The following EFS variants were observed in gnomAD, a reference collection of about 807,000 sequenced individuals.
EFS encodes the protein embryonal Fyn-associated substrate, also known as Cas scaffolding protein family member 3.
In EFS, 34 loss-of-function variants were observed where a neutral mutation model predicts 42.2. The ratio of observed to expected loss-of-function variants is 0.81; its 90% CI spans 0.61 to 1.07. EFS has a LOEUF of 1.07. Ranked by LOEUF, EFS falls within the 50% of genes least tolerant of loss-of-function variation. The pLI, the probability that EFS is intolerant of heterozygous loss-of-function variation, is 0.00. For missense variants in EFS, 717 were observed against 729.4 expected (o/e 0.98, Z 0.20); for synonymous variants, 299 against 320.7 (o/e 0.93, Z 0.72).
At position 23,359,514 on chromosome 14, in the gene EFS, G is replaced by A. The variant is rs1284147806; in HGVS notation, c.964C>T (p.Pro322Ser). 2 of 1,552,506 alleles carry A rather than the reference G, an allele frequency of 1.3e-6. No homozygotes were observed. Among genetic ancestry groups the A allele is most frequent in the Non-Finnish European group, 1.7e-6 (2 of 1,155,006 alleles). ...CCCTTCCGGCCTGGGGCAGGAGAGGGCACTGGGGAGGGGCTGGGGGCCTCA... is the reference window on the plus strand; with the variant it reads ...CCCTTCCGGCCTGGGGCAGGAGAGGACACTGGGGAGGGGCTGGGGGCCTCA... ...VPEAPSPSPVPSPAPGRKGSI... is the reference protein window; with the variant it reads ...VPEAPSPSPVSSPAPGRKGSI... Residue 322 changes from proline (P) to serine (S), a missense_variant, in exon 4 of 6, where the codon CCC (proline) becomes TCC (serine). Pro to Ser is a moderately conservative substitution (Grantham distance 74). Transcript: ENST00000216733.
intron 2 of EFS, 48 bp from the exon 3 acceptor site, chr14:23,360,329 GA>G (rs764975306): frequency 6.4e-7 from 1 of 1,573,558 alleles, no homozygotes; most frequent in African/African-American, 1.4e-5. Flanking sequence ...AGGGGCCGGT[GA>G]TCAGATAATG....
chr14:23,358,476 T>A (rs934257298), intron 5 of EFS, among the ~76,000 whole-genome samples: 4 of 152,172 alleles, frequency 2.6e-5, no homozygotes, highest in African/African-American at 9.7e-5. Context: ...CTGGAGAGAT[T>A]AACTGACGGC....
At position 23,357,210 on chromosome 14, in the gene EFS, C is replaced by T; in HGVS notation, c.*16G>A. On this transcript the variant is annotated 3_prime_UTR_variant, in exon 6 of 6. Transcript: ENST00000216733. ...TTTGGCAGGCAGGGGAGGAGCAGAGCTGTGCCAAAGGACCTTCATGGAGCC... is the reference window on the plus strand; with the variant it reads ...TTTGGCAGGCAGGGGAGGAGCAGAGTTGTGCCAAAGGACCTTCATGGAGCC... The T allele has an allele frequency of 1.3e-6, 2 of 1,525,810 alleles. No homozygotes were observed. Among genetic ancestry groups the T allele is most frequent in the South Asian group, 1.3e-5 (1 of 77,084 alleles). The allele number at this position is 1,525,810 out of a possible 1,614,324, so 94.5% of individuals were successfully genotyped here.
intron 1 of EFS, among the ~76,000 whole-genome samples, chr14:23,362,982 C>T (rs1455118661): frequency 1.3e-5 from 2 of 149,754 alleles, no homozygotes; most frequent in African/African-American, 2.5e-5. Flanking sequence ...GGTGCGATCT[C>T]GGCTCACTGC....
At position 23,358,882 on chromosome 14, in the gene EFS, C is replaced by T. The variant is rs746664828; in HGVS notation, c.1245G>A (p.Ala415=). ...DPELPERGMP[A]PQEALSPGEP... ...CCATTCCCGCCAGGGTCACCTGCGGCGCCGGCATCCCCCTCTCGGGCAGTT... is the reference window on the plus strand; with the variant it reads ...CCATTCCCGCCAGGGTCACCTGCGGTGCCGGCATCCCCCTCTCGGGCAGTT... The change falls in exon 5 of 6, where the codon GCG becomes GCA. Residue 415 remains alanine, a synonymous_variant. Coordinates refer to ENST00000216733, the MANE Select transcript of EFS (RefSeq NM_005864.4). 152 of 1,610,820 alleles carry T rather than the reference C, an allele frequency of 9.4e-5. 1 individual carries two copies. Among genetic ancestry groups the T allele is most frequent in the Admixed American group, 1.7e-4 (10 of 59,438 alleles).
At chr14:23,363,624 C>T (rs548625780) in intron 1 of EFS, among the ~76,000 whole-genome samples, 74 of 152,168 alleles carry the variant, frequency 4.9e-4, no homozygotes, top group African/African-American at 1.7e-3. Flanking sequence ...TCCTGGCCAT[C>T]GTTACAGATT....
intron 1 of EFS, among the ~76,000 whole-genome samples, chr14:23,364,017 G>A (rs1890239065): frequency 6.6e-6 from 1 of 152,102 alleles, no homozygotes; most frequent in East Asian, 1.9e-4. Context: ...ACATTGGGTG[G>A]CTCTGTGCTT....
At chr14:23,360,482 A>G (rs894604214) in intron 2 of EFS, 73 bp downstream of exon 2, 3 of 1,509,552 alleles carry the variant, frequency 2.0e-6, no homozygotes, top group Non-Finnish European at 2.7e-6. Context: ...CACCTGCTGC[A>G]GGCCCTGGGT....
intron 1 of EFS, among the ~76,000 whole-genome samples, chr14:23,361,508 A>C (rs1400464095): frequency 6.6e-6 from 1 of 152,236 alleles, no homozygotes; most frequent in East Asian, 1.9e-4. Flanking sequence ...TGAGGTTACC[A>C]TGGAGAAAAG....
chr14:23,357,700 G>A (rs1170323746), intron 5 of EFS, 40 bp from the exon 6 acceptor site: 5 of 1,463,150 alleles, frequency 3.4e-6, no homozygotes, highest in Middle Eastern at 1.9e-4. Flanking sequence ...ACATTCTCAT[G>A]AGTGCCATTT....
chr14:23,362,034 A>C (rs1362829819), intron 1 of EFS, among the ~76,000 whole-genome samples: 4 of 152,328 alleles, frequency 2.6e-5, no homozygotes, highest in Non-Finnish European at 5.9e-5. Flanking sequence ...TAAAAGAAAG[A>C]GTAGTAACAG....
chr14:23,362,960 C>T (rs1378571247), intron 1 of EFS, among the ~76,000 whole-genome samples: 1 of 150,158 alleles, frequency 6.7e-6, no homozygotes, highest in Non-Finnish European at 1.5e-5. Context: ...GTCGCCCAGG[C>T]TGGAGTGCAG....
intron 2 of EFS, 35 bp from the exon 3 acceptor site, chr14:23,360,316 C>CG (rs1388655804): frequency 1.3e-5 from 21 of 1,582,960 alleles, no homozygotes; most frequent in Non-Finnish European, 1.8e-5. Flanking sequence ...TCAGGAGGAA[C>CG]GGAGGGGCCG....
chr14:23,358,869 G>T lies in EFS; in HGVS notation c.1251+7C>A. ...CCCTTCTCTAGCACCATTCCCGCCA[G>T]GGTCACCTGCGGCGCCGGCATCCCC... On this transcript the variant is annotated splice_region_variant and intron_variant, in intron 5 of 5. Coordinates refer to ENST00000216733, the MANE Select transcript of EFS (RefSeq NM_005864.4). 6.2e-7 allele frequency: 1 copy of T among 1,607,690 alleles called. No homozygotes were observed. The highest frequency in any genetic ancestry group is 1.1e-5 in the South Asian group (1 of 89,920).
intron 5 of EFS, 31 bp downstream of exon 5, chr14:23,358,845 C>T (rs769304678): frequency 4.4e-6 from 7 of 1,578,334 alleles, no homozygotes; most frequent in African/African-American, 1.4e-5. Flanking sequence ...TCCCCTGTCC[C>T]CTTCTCTAGC....
In EFS at chr14:23,360,617, C is replaced by T. The variant is rs1290296761; in HGVS notation, c.235G>A (p.Ala79Thr). The T allele has an allele frequency of 6.3e-7, 1 of 1,598,006 alleles. No individual in the cohort carries two copies. The highest frequency in any genetic ancestry group is 1.3e-5 in the African/African-American group (1 of 74,652). Residue 79 changes from alanine to threonine, a missense_variant, in exon 2 of 6, where the codon GCG becomes ACG. Coordinates refer to ENST00000216733, the MANE Select transcript of EFS (RefSeq NM_005864.4). ...GPAPKPSLSP[A>T]SPAQPGSPYP... ...GGTGAGCCAGGCTGGGCTGGGGACG[C>T]AGGAGAGAGGCTGGGCTTGGGTGCT...
Position 23,359,366 on chromosome 14 carries a change from T to G in EFS, c.1112A>C (p.Glu371Ala). The part of the protein sequence containing the change: ...MEDDPAGHHN[E>A]YEGIPMAEEY... ...CTCGGCCATCGGAATGCCCTCGTAC[T>G]CATTGTGGTGTCCTGCTGGGTCATC... The change falls in exon 4 of 6, where the codon GAG becomes GCG. Residue 371 changes from glutamate to alanine, a missense_variant. Coordinates refer to ENST00000216733, the MANE Select transcript of EFS (RefSeq NM_005864.4). 1 of 1,613,058 alleles carries G rather than the reference T, an allele frequency of 6.2e-7. No homozygotes were observed. The highest frequency in any genetic ancestry group is 8.5e-7 in the Non-Finnish European group (1 of 1,179,932).
intron 5 of EFS, 139 bp from the exon 6 acceptor site, chr14:23,357,799 T>C: frequency 1.4e-6 from 1 of 705,682 alleles, no homozygotes; most frequent in Admixed American, 3.4e-5. Context: ...GTTTAGATTC[T>C]AGAGAGAGCA....
At position 23,360,264 on chromosome 14, in the gene EFS, G is replaced by A. The variant is rs746021164; in HGVS notation, c.315C>T (p.Pro105=). 1.2e-6 allele frequency: 2 copies of A among 1,613,008 alleles called. No individual in the cohort carries two copies. The highest frequency in any genetic ancestry group is 1.7e-6 in the Non-Finnish European group (2 of 1,179,464). The part of the protein sequence containing the change: ...NEDQEVYVVP[P]PARPCPTSGP... ...CTGAGGTTGGACAGGGCCGAGCTGG[G>A]GGCGGCACCACATACACCTGAGGGA... Residue 105 remains proline, a synonymous_variant, in exon 3 of 6, where the codon CCC becomes CCT. Transcript: ENST00000216733.
Sources: allele counts gnomAD v4.1 joint callset (sites outside exome capture counted in the v4.1 genomes callset), GRCh38; gene constraint gnomAD v4.1.1; transcripts MANE v1.5; gene names NCBI Gene and HGNC (gene_info 2026-07-23, HGNC 2026-07-21).